Variants in DNAJC5B observed in about 807,000 individuals in gnomAD.
DNAJC5B encodes DnaJ heat shock protein family (Hsp40) member C5 beta, also known as dnaJ homolog subfamily C member 5B.
Under a neutral mutation model 24.7 loss-of-function variants are expected in DNAJC5B, and 23 were observed. The observed-to-expected ratio is 0.93, with a 90% CI of 0.67 to 1.32. The LOEUF is 1.32. DNAJC5B is among the 40% of genes most tolerant of loss of function. The pLI, the probability that DNAJC5B is intolerant of heterozygous loss-of-function variation, is 0.00. For missense variants in DNAJC5B, 238 were observed against 240.8 expected (o/e 0.99, Z 0.08); for synonymous variants, 101 against 90.1 (o/e 1.12, Z -0.68).
At chr8:66,078,006 A>G (rs891864834) in intron 4 of DNAJC5B, among the ~76,000 whole-genome samples, 3 of 151,930 alleles carry the variant, frequency 2.0e-5, no homozygotes, top group Non-Finnish European at 2.9e-5. Flanking sequence ...GAACGTTCAT[A>G]GGACAGTACA....
At chr8:66,097,401 C>T (rs574264086) in intron 5 of DNAJC5B, among the ~76,000 whole-genome samples, 16 of 151,990 alleles carry the variant, frequency 1.1e-4, no homozygotes, top group African/African-American at 3.1e-4. Flanking sequence ...TTTTGTAACA[C>T]GTTAACCCTG....
intron 5 of DNAJC5B, among the ~76,000 whole-genome samples, chr8:66,083,137 G>C (rs773945650): frequency 6.7e-6 from 1 of 148,854 alleles, no homozygotes; most frequent in Admixed American, 6.7e-5. Context: ...TCAGCCTCCC[G>C]AGTAGATGGG....
rs1586113378 is a variant in DNAJC5B at position 66,085,430 on chromosome 8, ACTCC to A, written c.505+4883_505+4886del. ...ACTCCAGCCTGGGTGATAGAGCAAG[ACTCC>A]ATCTCAAAAAAATAAAAATAAAAAT... On this transcript the variant is annotated intron_variant, in intron 5 of 5. Coordinates refer to ENST00000276570, the MANE Select transcript of DNAJC5B (RefSeq NM_033105.6). Among the ~76,000 whole-genome samples the A allele has an allele frequency of 2.6e-5, 4 of 151,960 alleles. No homozygotes were observed. In the East Asian group the frequency reaches 7.8e-4, roughly 29 times the overall value.
chr8:66,062,454 T>C (rs766370891), intron 3 of DNAJC5B, among the ~76,000 whole-genome samples: 30 of 152,238 alleles, frequency 2.0e-4, no homozygotes, highest in Non-Finnish European at 4.3e-4. Flanking sequence ...TTAGAGAATG[T>C]GTCTTCAGAG....
At chr8:66,060,824 G>A (rs1807064551) in intron 3 of DNAJC5B, among the ~76,000 whole-genome samples, 1 of 152,218 alleles carries the variant, frequency 6.6e-6, no homozygotes, top group Non-Finnish European at 1.5e-5. Context: ...CAACGAATAT[G>A]TATTGAGCAC....
chr8:66,053,720 C>T (rs1806902245), intron 3 of DNAJC5B, among the ~76,000 whole-genome samples: 2 of 151,888 alleles, frequency 1.3e-5, no homozygotes, highest in African/African-American at 4.8e-5. Flanking sequence ...ACCTCCGCCT[C>T]CCAGGTTCAA....
chr8:66,070,335 T>G (rs1314915342), intron 3 of DNAJC5B, among the ~76,000 whole-genome samples: 3 of 152,188 alleles, frequency 2.0e-5, no homozygotes, highest in Non-Finnish European at 1.5e-5. Context: ...CAAATCTCCT[T>G]AAGCTGATAA....
rs1008608643 is a variant in DNAJC5B at position 66,059,086 on chromosome 8, C to T, written c.119+7420C>T. On this transcript the variant is annotated intron_variant, in intron 3 of 5. Coordinates refer to ENST00000276570, the MANE Select transcript of DNAJC5B (RefSeq NM_033105.6). The stretch of plus-strand genomic sequence containing the variant: ...AAAAGTGACATATCACAGGGTGAAA[C>T]TCATGGTATGGTCTCATCCAGGGCC... Among the ~76,000 whole-genome samples, 4 of 152,166 alleles carry T rather than the reference C, an allele frequency of 2.6e-5. No homozygotes were observed. The East Asian group carries it at 7.7e-4, about 29-fold the overall frequency.
intron 1 of DNAJC5B, among the ~76,000 whole-genome samples, chr8:66,026,033 T>C (rs1806233395): frequency 8.9e-6 from 1 of 111,800 alleles, no homozygotes; most frequent in Non-Finnish European, 1.7e-5. Flanking sequence ...ATTTTCACGA[T>C]ATTGATTCTT....
In DNAJC5B at chr8:66,024,050, G is replaced by A. The variant is rs116817997; in HGVS notation, c.-142+2345G>A. Reference sequence around the variant, plus strand: ...AGACCTAACTTTTATAGTCATCAGCGCCATCATTAACCTTAGAGATGTCTG... The same window carrying A: ...AGACCTAACTTTTATAGTCATCAGCACCATCATTAACCTTAGAGATGTCTG... On this transcript the variant is annotated intron_variant, in intron 1 of 5. Coordinates refer to ENST00000276570, the MANE Select transcript of DNAJC5B (RefSeq NM_033105.6). 8.9e-3 allele frequency among the ~76,000 whole-genome samples: 1,351 copies of A among 152,194 alleles called. 25 individuals carry two copies. Among genetic ancestry groups the A allele is most frequent in the African/African-American group, 0.027 (1,107 of 41,514 alleles).
At chr8:66,084,480 A>C (rs1807676104) in intron 5 of DNAJC5B, among the ~76,000 whole-genome samples, 1 of 152,180 alleles carries the variant, frequency 6.6e-6, no homozygotes, top group Non-Finnish European at 1.5e-5. Flanking sequence ...GTAGGATCTA[A>C]TAAAAAAAAT....
intron 3 of DNAJC5B, among the ~76,000 whole-genome samples, chr8:66,069,862 C>T (rs1191068238): frequency 6.6e-6 from 1 of 152,100 alleles, no homozygotes; most frequent in East Asian, 1.9e-4. Context: ...TTGTCCATCA[C>T]GAACAAGTTG....
chr8:66,061,905 C>T (rs900911465), intron 3 of DNAJC5B, among the ~76,000 whole-genome samples: 1 of 152,038 alleles, frequency 6.6e-6, no homozygotes, highest in Non-Finnish European at 1.5e-5. Flanking sequence ...AACATCCCAC[C>T]GAGAGTGATG....
upstream of DNAJC5B, among the ~76,000 whole-genome samples, chr8:66,018,152 G>T (rs1199615288): frequency 6.6e-6 from 1 of 152,158 alleles, no homozygotes; most frequent in Non-Finnish European, 1.5e-5. Flanking sequence ...CCTGCTAAAA[G>T]TGTCAAGTCT....
intron 3 of DNAJC5B, among the ~76,000 whole-genome samples, chr8:66,052,784 T>A (rs1806880173): frequency 6.6e-6 from 1 of 152,214 alleles, no homozygotes; most frequent in Non-Finnish European, 1.5e-5. Context: ...TTTTGGGACC[T>A]CTTAGGGCAT....
chr8:66,083,811 C>T (rs1379172377), intron 5 of DNAJC5B, among the ~76,000 whole-genome samples: 2 of 152,184 alleles, frequency 1.3e-5, no homozygotes, highest in Non-Finnish European at 2.9e-5. Context: ...CTCTTTATCC[C>T]CTTAATCAAA....
chr8:66,066,374 A>T (rs564000067), intron 3 of DNAJC5B, among the ~76,000 whole-genome samples: 3 of 151,990 alleles, frequency 2.0e-5, no homozygotes, highest in Non-Finnish European at 2.9e-5. Context: ...CAATCTCACT[A>T]CTGAATATCT....
the DNAJC5B span, among the ~76,000 whole-genome samples, chr8:66,016,542 T>C: frequency 6.6e-6 from 1 of 152,218 alleles, no homozygotes; most frequent in Non-Finnish European, 1.5e-5. Flanking sequence ...AACCTCTTTC[T>C]TTATAAATTA....
chr8:66,049,174 T>C (rs1806791642), intron 2 of DNAJC5B, among the ~76,000 whole-genome samples: 1 of 152,248 alleles, frequency 6.6e-6, no homozygotes. Flanking sequence ...TCCCAGAAGA[T>C]TGTAATGGAG....
Sources: allele counts gnomAD v4.1 joint callset (sites outside exome capture counted in the v4.1 genomes callset), GRCh38; gene constraint gnomAD v4.1.1; transcripts MANE v1.5; gene names NCBI Gene and HGNC (gene_info 2026-07-23, HGNC 2026-07-21).